The following DLC1 variants were observed in gnomAD, a reference collection of about 807,000 sequenced individuals.
The protein encoded by DLC1 is rho GTPase-activating protein 7.
A neutral mutation model predicts 140.3 loss-of-function variants in DLC1; 54 were observed. The observed-to-expected ratio is 0.38, with a 90% CI of 0.31 to 0.48. DLC1 has a LOEUF of 0.48. Among genes scored for constraint, DLC1 ranks in the 20% least tolerant of loss-of-function variants. The pLI, the probability that DLC1 is intolerant of heterozygous loss-of-function variation, is 0.96. For synonymous variants in DLC1, 986 were observed against 728.1 expected, an observed-to-expected ratio of 1.35 and a Z score of -5.70; for missense variants, 2,536 against 1,907.0, an observed-to-expected ratio of 1.33 and a Z score of -6.14.
intron 1 of DLC1, among the ~76,000 whole-genome samples, chr8:13,501,821 C>A (rs1215208770): frequency 6.6e-6 from 1 of 152,150 alleles, no homozygotes; most frequent in East Asian, 1.9e-4. Flanking sequence ...TCTCTGAATT[C>A]CATGCATAAG....
intron 1 of DLC1, among the ~76,000 whole-genome samples, chr8:13,522,732 A>G (rs1802802824): frequency 6.6e-6 from 1 of 152,196 alleles, no homozygotes; most frequent in Admixed American, 6.5e-5. Context: ...CAGAAAATGC[A>G]GAGCATGCTA....
intron 1 of DLC1, among the ~76,000 whole-genome samples, chr8:13,531,125 G>T (rs566781804): frequency 6.6e-6 from 1 of 152,244 alleles, no homozygotes; most frequent in East Asian, 1.9e-4. Context: ...CAGGAAGAGG[G>T]TTGTTTCCTG....
chr8:13,543,120 G>A (rs557391492), intron 1 of DLC1, among the ~76,000 whole-genome samples: 1 of 152,150 alleles, frequency 6.6e-6, no homozygotes, highest in African/African-American at 2.4e-5. Flanking sequence ...CCAGTGATTA[G>A]TAAACCTTGC....
At chr8:13,207,010 C>A (rs900990131) in intron 5 of DLC1, among the ~76,000 whole-genome samples, 4 of 151,900 alleles carry the variant, frequency 2.6e-5, no homozygotes, top group African/African-American at 9.7e-5. Context: ...AATGAGTGAG[C>A]AAGTAAGTGC....
chr8:13,468,471 C>A (rs1316870327), intron 2 of DLC1, among the ~76,000 whole-genome samples: 1 of 150,896 alleles, frequency 6.6e-6, no homozygotes, highest in African/African-American at 2.4e-5. Flanking sequence ...GCCTTGAACA[C>A]CTGGTCTCTA....
chr8:13,534,733 T>G (rs900142181), intron 1 of DLC1, among the ~76,000 whole-genome samples: 3 of 152,182 alleles, frequency 2.0e-5, no homozygotes, highest in African/African-American at 7.2e-5. Flanking sequence ...GCCACTACCT[T>G]CTGAGTAGCT....
intron 13 of DLC1, 135 bp downstream of exon 13, chr8:13,092,477 T>A (rs1011292926): frequency 2.2e-6 from 2 of 921,498 alleles, no homozygotes; most frequent in South Asian, 1.7e-5. Flanking sequence ...ATTAGCGGTG[T>A]GAGAATGGAC....
At chr8:13,160,826 C>G (rs1167046756) in intron 5 of DLC1, among the ~76,000 whole-genome samples, 1 of 152,208 alleles carries the variant, frequency 6.6e-6, no homozygotes, top group South Asian at 2.1e-4. Context: ...TGGCTCACGC[C>G]TGTAATCCCA....
chr8:13,344,449 C>A (rs1440468502), intron 4 of DLC1, among the ~76,000 whole-genome samples: 2 of 152,132 alleles, frequency 1.3e-5, no homozygotes, highest in South Asian at 2.1e-4. Context: ...GCCGAGATCA[C>A]GCCGTTGCAC....
intron 2 of DLC1, among the ~76,000 whole-genome samples, chr8:13,468,352 C>CCCTCA (rs1563373557): frequency 8.5e-6 from 1 of 117,700 alleles, no homozygotes; most frequent in Non-Finnish European, 1.8e-5. Flanking sequence ...CCCTCCCCTC[C>CCCTCA]CCTCCCCTCC....
chr8:13,489,761 A>G (rs1329554676), intron 2 of DLC1, among the ~76,000 whole-genome samples: 2 of 152,176 alleles, frequency 1.3e-5, no homozygotes, highest in African/African-American at 4.8e-5. Context: ...GCAGGAGTCC[A>G]GAAATTTCCC....
At chr8:13,230,971 G>A (rs924936373) in intron 5 of DLC1, among the ~76,000 whole-genome samples, 2 of 152,168 alleles carry the variant, frequency 1.3e-5, no homozygotes, top group African/African-American at 2.4e-5. Flanking sequence ...GGATTTAGGC[G>A]TTTGTCACTT....
intron 2 of DLC1, among the ~76,000 whole-genome samples, chr8:13,413,501 T>C (rs76181487): frequency 5.7e-4 from 21 of 36,846 alleles, no homozygotes; most frequent in South Asian, 5.1e-3. Flanking sequence ...TGTGCACACA[T>C]ATATATATAT....
intron 2 of DLC1, among the ~76,000 whole-genome samples, chr8:13,449,194 A>G (rs1798931850): frequency 1.3e-5 from 2 of 152,198 alleles, no homozygotes; most frequent in Non-Finnish European, 2.9e-5. Context: ...TTTTATGTAG[A>G]AAGCTAAATA....
intron 5 of DLC1, among the ~76,000 whole-genome samples, chr8:13,149,027 C>T (rs529222168): frequency 2.6e-5 from 4 of 152,232 alleles, no homozygotes; most frequent in East Asian, 3.9e-4. Context: ...CTCCTGACCT[C>T]GTGATCTGCC....
intron 2 of DLC1, among the ~76,000 whole-genome samples, chr8:13,443,086 C>T (rs1031433964): frequency 2.0e-5 from 3 of 151,540 alleles, no homozygotes; most frequent in African/African-American, 7.3e-5. Flanking sequence ...CCATCATTCT[C>T]AGCAAACTAT....
chr8:13,348,226 C>T (rs1834455978), intron 4 of DLC1, among the ~76,000 whole-genome samples: 1 of 152,136 alleles, frequency 6.6e-6, no homozygotes, highest in Admixed American at 6.5e-5. Flanking sequence ...GGGATACAGC[C>T]TGGCTTCCGT....
intron 2 of DLC1, among the ~76,000 whole-genome samples, chr8:13,483,322 A>G (rs1800823332): frequency 6.6e-6 from 1 of 152,204 alleles, no homozygotes; most frequent in East Asian, 1.9e-4. Context: ...TCATATTTGC[A>G]GGTTCCAGGG....
intron 5 of DLC1, among the ~76,000 whole-genome samples, chr8:13,183,603 T>C (rs559975823): frequency 1.3e-5 from 2 of 152,338 alleles, no homozygotes; most frequent in South Asian, 2.1e-4. Context: ...GTTCTGTTTA[T>C]GTGATGGATT....
Sources: gnomAD v4.1 joint callset for allele counts (sites outside exome capture counted in the v4.1 genomes callset) on GRCh38, gnomAD v4.1.1 for gene constraint, MANE v1.5 for transcripts, NCBI Gene and HGNC (gene_info 2026-07-23, HGNC 2026-07-21) for gene names.